ATP10D: variants seen among roughly 807,000 people sequenced by gnomAD.
ATP10D encodes phospholipid-transporting ATPase VD.
A neutral mutation model predicts 144.8 loss-of-function variants in ATP10D; 89 were observed. The observed-to-expected ratio is 0.61, with a 90% confidence interval of 0.52 to 0.73. The LOEUF is 0.73. Ranked by LOEUF, ATP10D falls within the 30% of genes least tolerant of loss-of-function variation. The pLI is 0.00. For missense variants in ATP10D, 1,603 were observed against 1,714.8 expected (o/e 0.93, Z 1.15); for synonymous variants, 571 against 615.1 (o/e 0.93, Z 1.06).
At chr4:47,563,801 T>C in intron 15 of ATP10D, 36 bp downstream of exon 15, 1 of 1,475,592 alleles carries the variant, frequency 6.8e-7, no homozygotes, top group Non-Finnish European at 9.1e-7. Context: ...TCTTCTGTAT[T>C]TTCAAAGGCA....
intron 5 of ATP10D, among the ~76,000 whole-genome samples, chr4:47,528,497 GTGTGTGTGTGTGTGTGTA>G (rs1220951816): frequency 5.4e-4 from 48 of 88,150 alleles, no homozygotes; most frequent in African/African-American, 1.5e-3. Context: ...GTGTGTGTGT[GTGTGTGTGTGTGTGTGTA>G]TATATATATA....
At chr4:47,523,475 A>G (rs996127836) in intron 4 of ATP10D, among the ~76,000 whole-genome samples, 1 of 152,200 alleles carries the variant, frequency 6.6e-6, no homozygotes, top group Non-Finnish European at 1.5e-5. Context: ...ACCTAACAGA[A>G]TTATTTTTCT....
intron 3 of ATP10D, among the ~76,000 whole-genome samples, chr4:47,520,671 C>G (rs775712577): frequency 1.3e-5 from 2 of 152,018 alleles, no homozygotes; most frequent in East Asian, 3.9e-4. Context: ...CGGGTTCAAG[C>G]GATTCCCCTG....
chr4:47,563,882 GTTGTTTGT>G (rs950207422), intron 15 of ATP10D, 117 bp downstream of exon 15: 8 of 1,078,146 alleles, frequency 7.4e-6, no homozygotes, highest in Non-Finnish European at 1.0e-5. Flanking sequence ...AGCTTTTTTT[GTTGTTTGT>G]TTGTTTGTTT....
At chr4:47,533,348 A>C (rs763598069) in intron 5 of ATP10D, among the ~76,000 whole-genome samples, 1 of 152,210 alleles carries the variant, frequency 6.6e-6, no homozygotes, top group African/African-American at 2.4e-5. Flanking sequence ...GGCTTTTACC[A>C]TCTCTTCGTA....
rs1369347220 is a variant in ATP10D, at chr4:47,536,867, C to A, written c.1325C>A (p.Thr442Asn). Residue 442 changes from threonine to asparagine, a missense_variant, in exon 9 of 23, where the codon ACC becomes AAC. Coordinates refer to ENST00000273859, the MANE Select transcript of ATP10D (RefSeq NM_020453.4). ...IQYLFSDKTG[T>N]LTENKMVFRR... is the part of the protein sequence containing the mutation. The stretch of plus-strand genomic sequence containing the variant: ...TACCTCTTTTCCGATAAGACAGGAA[C>A]CCTCACTGAGAATAAGATGGTTTTT... 1.9e-6 allele frequency: 3 copies of A among 1,613,424 alleles called. No homozygotes were observed. The highest frequency in any genetic ancestry group is 1.3e-5 in the African/African-American group (1 of 74,996).
At chr4:47,576,081 G>A (rs915126925) in intron 18 of ATP10D, among the ~76,000 whole-genome samples, 4 of 151,378 alleles carry the variant, frequency 2.6e-5, no homozygotes, top group Non-Finnish European at 4.4e-5. Context: ...ACAGGCGCCC[G>A]CCACTACGCC....
chr4:47,547,102 G>A, intron 10 of ATP10D: 1 of 491,390 alleles, frequency 2.0e-6, no homozygotes, highest in South Asian at 2.5e-5. Context: ...AAAAAAAAAA[G>A]GAGAATATTT....
At chr4:47,495,231 C>T (rs991172602) in intron 1 of ATP10D, among the ~76,000 whole-genome samples, 11 of 151,788 alleles carry the variant, frequency 7.2e-5, no homozygotes, top group East Asian at 3.9e-4. Flanking sequence ...TTAGTATGTA[C>T]GCATCTTACC....
At chr4:47,570,250 A>G (rs1190251790) in intron 16 of ATP10D, among the ~76,000 whole-genome samples, 2 of 152,168 alleles carry the variant, frequency 1.3e-5, no homozygotes, top group African/African-American at 2.4e-5. Flanking sequence ...ACCCAGAGAC[A>G]TTTGCTGGCA....
intron 1 of ATP10D, among the ~76,000 whole-genome samples, chr4:47,500,370 G>A (rs945879078): frequency 6.6e-6 from 1 of 152,224 alleles, no homozygotes; most frequent in Admixed American, 6.5e-5. Context: ...TTATATGGGA[G>A]CCTTTAGAGA....
intron 14 of ATP10D, 45 bp from the exon 15 acceptor site, chr4:47,563,536 G>C (rs761911819): frequency 6.5e-7 from 1 of 1,532,514 alleles, no homozygotes; most frequent in East Asian, 2.3e-5. Context: ...GCTTCAGCTG[G>C]CTTTGGTTTC....
Position 47,515,585 on chromosome 4 carries a change from A to C in ATP10D, c.400A>C (p.Ile134Leu). 1 of 1,613,420 alleles carries C rather than the reference A, an allele frequency of 6.2e-7. No individual in the cohort carries two copies. The highest frequency in any genetic ancestry group is 8.5e-7 in the Non-Finnish European group (1 of 1,179,350). The change falls in exon 3 of 23, where the codon ATC (isoleucine) becomes CTC (leucine). Residue 134 changes from isoleucine (I) to leucine (L), a missense_variant. By Grantham distance (5) the Ile-to-Leu change is conservative. Transcript: ENST00000273859. Reference protein sequence around the residue: ...MLPLVVVLTIIAIKDGLEDYR... With the variant: ...MLPLVVVLTILAIKDGLEDYR... ...GCCTCTGGTGGTGGTCCTTACAATT[A>C]TCGCAATTAAAGATGGCCTGGAAGA...
At chr4:47,581,392 T>G (rs1022142350) in intron 20 of ATP10D, among the ~76,000 whole-genome samples, 1 of 152,218 alleles carries the variant, frequency 6.6e-6, no homozygotes, top group Non-Finnish European at 1.5e-5. Flanking sequence ...AAAAAGATGA[T>G]CATTTCTAAA....
At chr4:47,555,156 G>A (rs996847960) in intron 11 of ATP10D, among the ~76,000 whole-genome samples, 2 of 152,222 alleles carry the variant, frequency 1.3e-5, no homozygotes, top group African/African-American at 4.8e-5. Context: ...CACAGCAGGA[G>A]GGGAGGAGAG....
At chr4:47,546,933 G>A in intron 10 of ATP10D, 71 bp downstream of exon 10, 1 of 1,431,774 alleles carries the variant, frequency 7.0e-7, no homozygotes, top group Non-Finnish European at 9.8e-7. Context: ...TTGTAATTAT[G>A]ATAGAGTCAA....
Position 47,572,231 on chromosome 4 carries a change from G to C in ATP10D, c.3240+1G>C. 6.2e-7 allele frequency: 1 copy of C among 1,613,754 alleles called. No individual in the cohort carries two copies. The highest frequency in any genetic ancestry group is 8.5e-7 in the Non-Finnish European group (1 of 1,179,716). ...GGTCTCAGGTCAAGAAGGCATGCAG[G>C]TGAGTGGATATTGTGCACCCAAGTT... On this transcript the variant is annotated splice_donor_variant, in intron 17 of 22. Transcript: ENST00000273859. LOFTEE classifies it high-confidence loss of function.
At chr4:47,575,119 T>C (rs1419090586) in intron 18 of ATP10D, among the ~76,000 whole-genome samples, 1 of 152,144 alleles carries the variant, frequency 6.6e-6, no homozygotes, top group Non-Finnish European at 1.5e-5. Flanking sequence ...ATCCGGCCGA[T>C]GATGACCATT....
At chr4:47,572,509 T>G (rs757993612) in intron 17 of ATP10D, among the ~76,000 whole-genome samples, 4 of 152,090 alleles carry the variant, frequency 2.6e-5, no homozygotes, top group Non-Finnish European at 5.9e-5. Flanking sequence ...CTGCGTAAAT[T>G]CTGACTCTGA....
Sources: allele counts gnomAD v4.1 joint callset (sites outside exome capture counted in the v4.1 genomes callset), GRCh38; gene constraint gnomAD v4.1.1; transcripts MANE v1.5; gene names NCBI Gene and HGNC (gene_info 2026-07-23, HGNC 2026-07-21).